Variants in CHST11 observed in about 807,000 individuals in gnomAD.
CHST11 encodes the protein C4S-1.
Under a neutral mutation model 30.4 loss-of-function variants are expected in CHST11, and 9 were observed. The ratio of observed to expected loss-of-function variants is 0.30; its 90% CI spans 0.18 to 0.52. The LOEUF (loss-of-function observed/expected upper bound fraction) is 0.52. Ranked by LOEUF, CHST11 falls within the 20% of genes least tolerant of loss-of-function variation. The pLI is 0.97. For synonymous variants in CHST11, 152 were observed against 187.8 expected (o/e 0.81, Z 1.56); for missense variants, 348 against 460.6 (o/e 0.76, Z 2.24).
chr12:104,546,077 G>A (rs531811651), intron 1 of CHST11, among the ~76,000 whole-genome samples: 11 of 152,106 alleles, frequency 7.2e-5, no homozygotes, highest in African/African-American at 1.7e-4. Flanking sequence ...TTCGACACAC[G>A]CATTCAGTCC....
rs1305064876 is a variant in CHST11 at position 104,758,196 on chromosome 12, A to G, written c.*393A>G. ...ATCTATGATTCCTGCTTTGCTTGCT[A>G]CAGCTCATTTGGGGGCATGAATGTT... is the stretch of plus-strand genomic sequence containing the variant. On this transcript the variant is annotated 3_prime_UTR_variant, in exon 3 of 3. Transcript: ENST00000303694. The G allele has an allele frequency of 5.9e-6, 1 of 170,358 alleles. No homozygotes were observed. The highest frequency in any genetic ancestry group is 5.8e-5 in the Admixed American group (1 of 17,322). The allele number at this position is 170,358 out of a possible 1,614,324, so 10.6% of individuals were successfully genotyped here.
chr12:104,553,077 C>T (rs1156673606), intron 1 of CHST11: 1 of 152,224 alleles, frequency 6.6e-6, no homozygotes, highest in African/African-American at 2.4e-5. Flanking sequence ...GCTTGTGCCT[C>T]AGTTTTCTCA....
At chr12:104,691,002 C>T (rs2039891510) in intron 2 of CHST11, among the ~76,000 whole-genome samples, 1 of 152,098 alleles carries the variant, frequency 6.6e-6, no homozygotes, top group Admixed American at 6.6e-5. Context: ...TGAAAGAATC[C>T]ATTATTGGCT....
intron 1 of CHST11, among the ~76,000 whole-genome samples, chr12:104,480,671 A>C (rs990594016): frequency 3.3e-5 from 5 of 151,928 alleles, no homozygotes; most frequent in Non-Finnish European, 7.4e-5. Context: ...AGGAGAAGAG[A>C]CACAGAAACA....
chr12:104,701,459 G>T (rs1566044329), intron 2 of CHST11, among the ~76,000 whole-genome samples: 1 of 152,112 alleles, frequency 6.6e-6, no homozygotes, highest in Non-Finnish European at 1.5e-5. Flanking sequence ...GAACCCGGCG[G>T]GCACACTGCG....
chr12:104,659,173 A>G (rs1260825848), intron 2 of CHST11, among the ~76,000 whole-genome samples: 1 of 152,206 alleles, frequency 6.6e-6, no homozygotes, highest in Admixed American at 6.5e-5. Context: ...TGCCATGGAT[A>G]AGAGCACAGC....
At chr12:104,585,298 C>T (rs1309640716) in intron 1 of CHST11, among the ~76,000 whole-genome samples, 6 of 152,230 alleles carry the variant, frequency 3.9e-5, no homozygotes, top group South Asian at 4.1e-4. Flanking sequence ...ACATCATCAA[C>T]GCCTTCTGTC....
Position 104,588,470 on chromosome 12 carries a change from T to A in CHST11, c.119-13436T>A, listed in dbSNP as rs1035213907. On this transcript the variant is annotated intron_variant, in intron 1 of 2. Coordinates refer to ENST00000303694, the MANE Select transcript of CHST11 (RefSeq NM_018413.6). Reference sequence around the variant, plus strand: ...CTTCAGAACTGAGCTCTGCTCTGAGTGGGTTCCTGCAGCCTATGACCCAGA... The same window carrying A: ...CTTCAGAACTGAGCTCTGCTCTGAGAGGGTTCCTGCAGCCTATGACCCAGA... Among the ~76,000 whole-genome samples the A allele has an allele frequency of 9.8e-5, 15 of 152,326 alleles. 1 individual carries two copies. Among genetic ancestry groups the A allele is most frequent in the Admixed American group, 4.6e-4 (7 of 15,308 alleles).
chr12:104,739,859 T>C (rs1224893042), intron 2 of CHST11, among the ~76,000 whole-genome samples: 1 of 152,206 alleles, frequency 6.6e-6, no homozygotes, highest in Non-Finnish European at 1.5e-5. Context: ...GTCAGGGCCA[T>C]TGCCAAATTT....
chr12:104,638,766 C>A (rs1162931957), intron 2 of CHST11, among the ~76,000 whole-genome samples: 1 of 152,204 alleles, frequency 6.6e-6, no homozygotes, highest in African/African-American at 2.4e-5. Flanking sequence ...GGAAGAATTT[C>A]TCTATCTGAA....
chr12:104,755,518 G>T (rs905233290), intron 2 of CHST11, among the ~76,000 whole-genome samples: 1 of 152,164 alleles, frequency 6.6e-6, no homozygotes, highest in Non-Finnish European at 1.5e-5. Context: ...AGGCACAGTG[G>T]CTCACCCCTG....
intron 1 of CHST11, chr12:104,514,166 A>G (rs547005402): frequency 9.9e-7 from 1 of 1,009,520 alleles, no homozygotes; most frequent in Admixed American, 1.7e-5. Context: ...GCAGTTCCCT[A>G]CTCCAGGTGG....
intron 2 of CHST11, among the ~76,000 whole-genome samples, chr12:104,755,781 GGAAAAAAAAA>G (rs1485188287): frequency 6.6e-6 from 1 of 151,490 alleles, no homozygotes; most frequent in Non-Finnish European, 1.5e-5. Flanking sequence ...GTAAGACTCT[GGAAAAAAAAA>G]GAAAAGAAAA....
chr12:104,684,610 C>T (rs1021468933), intron 2 of CHST11, among the ~76,000 whole-genome samples: 37 of 152,302 alleles, frequency 2.4e-4, no homozygotes, highest in African/African-American at 7.7e-4. Flanking sequence ...TGCAGTAGCG[C>T]GATCTCAGCT....
chr12:104,646,750 TC>T (rs1400968345), intron 2 of CHST11, among the ~76,000 whole-genome samples: 1 of 152,188 alleles, frequency 6.6e-6, no homozygotes, highest in Non-Finnish European at 1.5e-5. Flanking sequence ...CGTCCCAGAC[TC>T]TAAGCTCAGT....
chr12:104,534,987 A>C (rs2038223268), intron 1 of CHST11, among the ~76,000 whole-genome samples: 1 of 152,244 alleles, frequency 6.6e-6, no homozygotes. Flanking sequence ...AATTATGGTA[A>C]AGCCTGACAC....
intron 2 of CHST11, among the ~76,000 whole-genome samples, chr12:104,636,693 G>A (rs1456961715): frequency 1.3e-5 from 2 of 152,070 alleles, no homozygotes; most frequent in Non-Finnish European, 2.9e-5. Flanking sequence ...CTGTGCCTTG[G>A]TTTCTTTATC....
chr12:104,586,979 T>C (rs192493258), intron 1 of CHST11, among the ~76,000 whole-genome samples: 2 of 152,330 alleles, frequency 1.3e-5, no homozygotes, highest in East Asian at 1.9e-4. Context: ...GTTCTTCTAC[T>C]ACTGTGGGGG....
intron 2 of CHST11, among the ~76,000 whole-genome samples, chr12:104,632,447 C>T (rs983298155): frequency 3.9e-5 from 6 of 152,128 alleles, no homozygotes; most frequent in Non-Finnish European, 5.9e-5. Context: ...GGGGATGAGG[C>T]GAAGTGCTAG....
Sources: allele counts gnomAD v4.1 joint callset (sites outside exome capture counted in the v4.1 genomes callset), GRCh38; gene constraint gnomAD v4.1.1; transcripts MANE v1.5; gene names NCBI Gene and HGNC (gene_info 2026-07-23, HGNC 2026-07-21).